Variants in SLC31A2 observed in about 807,000 individuals in gnomAD.
The protein encoded by SLC31A2 is protein SLC31A2.
A neutral mutation model predicts 14.4 loss-of-function variants in SLC31A2; 16 were observed. That is an observed-to-expected ratio of 1.11 (90% confidence interval 0.75 to 1.69). SLC31A2 has a LOEUF of 1.69. SLC31A2 is among the 40% of genes most tolerant of loss of function. The pLI is 0.00. For missense variants in SLC31A2, 140 were observed against 173.9 expected (o/e 0.81, Z 1.10); for synonymous variants, 56 against 68.7 (o/e 0.82, Z 0.91).
chr9:113,162,479 T>G (rs1830029266), intron 3 of SLC31A2: 2 of 326,596 alleles, frequency 6.1e-6, no homozygotes, highest in African/African-American at 2.2e-5. Flanking sequence ...GAAAGACAGA[T>G]TATAGATACC....
rs1029568688 is a variant in SLC31A2 at position 113,162,822 on chromosome 9, G to A, written c.337G>A (p.Ala113Thr). The part of the protein sequence containing the change: ...QVVIGYFIML[A>T]VMSYNTWIFL... ...GGTCATCGGCTACTTCATCATGCTGGCCGTAATGTCCTACAACACCTGGAT... is the reference window on the plus strand; with the variant it reads ...GGTCATCGGCTACTTCATCATGCTGACCGTAATGTCCTACAACACCTGGAT... The change falls in exon 4 of 4, where the codon GCC (alanine) becomes ACC (threonine). Residue 113 changes from alanine (A) to threonine (T), a missense_variant. Ala to Thr is a moderately conservative substitution (Grantham distance 58). Coordinates refer to ENST00000259392, the MANE Select transcript of SLC31A2 (RefSeq NM_001860.3). 5 of 1,613,610 alleles carry A rather than the reference G, an allele frequency of 3.1e-6. No individual in the cohort carries two copies. The African/African-American group carries it at 6.7e-5, about 22-fold the overall frequency.
intron 3 of SLC31A2, 149 bp from the exon 4 acceptor site, chr9:113,162,600 G>A: frequency 7.8e-6 from 5 of 640,494 alleles, no homozygotes; most frequent in Non-Finnish European, 1.3e-5. Context: ...GGTGGGAGGG[G>A]CAGAAAGAAA....
rs1403406907 is a variant in SLC31A2 at position 113,164,011 on chromosome 9, T to TA, written c.*1100dup. 2 of 152,536 alleles carry TA rather than the reference T, an allele frequency of 1.3e-5. No individual in the cohort carries two copies. Among genetic ancestry groups the TA allele is most frequent in the African/African-American group, 4.8e-5 (2 of 41,408 alleles). The allele number at this position is 152,536 out of a possible 1,614,324, so 9.4% of individuals were successfully genotyped here. The stretch of plus-strand genomic sequence containing the variant: ...TGGATAGTTGAACCTCTTCACTTTA[T>TA]AAAAAAGGAAAGAGAGAAAATCACT... On this transcript the variant is annotated 3_prime_UTR_variant, in exon 4 of 4. Coordinates refer to ENST00000259392, the MANE Select transcript of SLC31A2 (RefSeq NM_001860.3).
Position 113,151,227 on chromosome 9 carries a change from T to G in SLC31A2, c.6+147T>G, listed in dbSNP as rs1587937656. On this transcript the variant is annotated intron_variant, in intron 1 of 3. Coordinates refer to ENST00000259392, the MANE Select transcript of SLC31A2 (RefSeq NM_001860.3). The surrounding 1 kb of genome is among the most constrained non-coding windows in gnomAD (Gnocchi z 4.2). Reference sequence around the variant, plus strand: ...AGCATTGCCAACAGCTGGAACAGGGTTGGGGGACGCGGCAGGTATAGGTTG... The same window carrying G: ...AGCATTGCCAACAGCTGGAACAGGGGTGGGGGACGCGGCAGGTATAGGTTG... 16 of 854,636 alleles carry G rather than the reference T, an allele frequency of 1.9e-5. No homozygotes were observed. In the African/African-American group the frequency reaches 2.3e-4, roughly 12 times the overall value. The allele number at this position is 854,636 out of a possible 1,614,324, so 52.9% of individuals were successfully genotyped here.
intron 2 of SLC31A2, among the ~76,000 whole-genome samples, chr9:113,160,818 C>G (rs10981660): frequency 1.3e-5 from 2 of 152,140 alleles, no homozygotes; most frequent in Non-Finnish European, 2.9e-5. Context: ...AAAGACACCA[C>G]TTGACAGCGT....
intron 2 of SLC31A2, chr9:113,158,096 A>G (rs1226339428): frequency 2.0e-6 from 1 of 509,054 alleles, no homozygotes; most frequent in Admixed American, 2.3e-5. Context: ...AGGGTCACAC[A>G]GTAAGTACGC....
chr9:113,156,743 CCAAA>C (rs1462957462), intron 1 of SLC31A2, among the ~76,000 whole-genome samples: 4 of 152,146 alleles, frequency 2.6e-5, no homozygotes, highest in African/African-American at 7.2e-5. Context: ...CCTCATCTTT[CCAAA>C]CAGTCATTAA....
In SLC31A2 at chr9:113,151,195, T is replaced by C; in HGVS notation, c.6+115T>C. 9.0e-7 allele frequency: 1 copy of C among 1,110,664 alleles called. No homozygotes were observed. Among genetic ancestry groups the C allele is most frequent in the Non-Finnish European group, 1.2e-6 (1 of 861,458 alleles). 68.8% of individuals were successfully genotyped at this position (1,110,664 alleles called of 1,614,324 possible). A position where few individuals can be genotyped will look rare whatever the true frequency, so the allele number is the denominator to read the frequency against. On this transcript the variant is annotated intron_variant, in intron 1 of 3. Coordinates refer to ENST00000259392, the MANE Select transcript of SLC31A2 (RefSeq NM_001860.3). The surrounding 1 kb of genome is among the most constrained non-coding windows in gnomAD (Gnocchi z 4.2). ...GCTGGCCCGGGGCTGGTGAAGGGTG[T>C]GTTGGCAGCATTGCCAACAGCTGGA...
chr9:113,157,776 G>T lies in SLC31A2; in HGVS notation c.56G>T (p.Ser19Ile), dbSNP rs1180969797. The change falls in exon 2 of 4, where the codon AGT (serine) becomes ATT (isoleucine). Residue 19 changes from serine (S) to isoleucine (I), a missense_variant. Physicochemically the swap from Ser to Ile is moderately radical, Grantham distance 142. Transcript: ENST00000259392. The stretch of plus-strand genomic sequence containing the variant: ...GCGGTGCTTCTGTTTGATTTCTGGA[G>T]TGTCCACAGTCCTGCTGGTAAGAAT... ...DTAVLLFDFW[S>I]VHSPAGMALS... is the part of the protein sequence containing the mutation. The T allele has an allele frequency of 1.9e-6, 3 of 1,613,004 alleles. No homozygotes were observed. Among genetic ancestry groups the T allele is most frequent in the Non-Finnish European group, 2.5e-6 (3 of 1,179,412 alleles).
At chr9:113,153,621 C>T (rs1412878357) in intron 1 of SLC31A2, among the ~76,000 whole-genome samples, 1 of 152,186 alleles carries the variant, frequency 6.6e-6, no homozygotes, top group Non-Finnish European at 1.5e-5. Flanking sequence ...GCGGAGATGT[C>T]ACAGGGAGTG....
intron 1 of SLC31A2, among the ~76,000 whole-genome samples, chr9:113,154,244 C>A (rs921089968): frequency 2.6e-5 from 4 of 152,108 alleles, no homozygotes; most frequent in African/African-American, 9.7e-5. Context: ...AAGATGGGAG[C>A]CTGTGAAAGT....
chr9:113,159,590 A>G (rs570835970), intron 2 of SLC31A2, among the ~76,000 whole-genome samples: 1 of 152,310 alleles, frequency 6.6e-6, no homozygotes, highest in South Asian at 2.1e-4. Context: ...CCTACGCTCC[A>G]CACACTTCTG....
At chr9:113,161,462 A>G in intron 2 of SLC31A2, 47 bp from the exon 3 acceptor site, 2 of 1,569,990 alleles carry the variant, frequency 1.3e-6, no homozygotes, top group Non-Finnish European at 8.7e-7. Flanking sequence ...TGGAAGGGAA[A>G]CAGTGCTGGC....
rs1405502968 is a variant in SLC31A2 at position 113,151,147 on chromosome 9, C to G, written c.6+67C>G. 7.9e-7 allele frequency: 1 copy of G among 1,269,786 alleles called. No individual in the cohort carries two copies. The highest frequency in any genetic ancestry group is 3.0e-5 in the East Asian group (1 of 33,572). The allele number at this position is 1,269,786 out of a possible 1,614,324, so 78.7% of individuals were successfully genotyped here. On this transcript the variant is annotated intron_variant, in intron 1 of 3. Coordinates refer to ENST00000259392, the MANE Select transcript of SLC31A2 (RefSeq NM_001860.3). The surrounding 1 kb of genome is among the most constrained non-coding windows in gnomAD (Gnocchi z 4.2). ...GCGGGGTCTCCTGGAGCTGCCATCT[C>G]GGCACCCCGAATCCTCGCTGCCGCT...
chr9:113,158,008 C>T (rs765193655), intron 2 of SLC31A2: 21 of 641,776 alleles, frequency 3.3e-5, no homozygotes, highest in Admixed American at 8.4e-5. Context: ...TCACAAAGGC[C>T]GAGAGGCAGG....
At chr9:113,161,867 T>C (rs765876379) in intron 3 of SLC31A2, 169 bp downstream of exon 3, 20 of 749,304 alleles carry the variant, frequency 2.7e-5, no homozygotes, top group South Asian at 2.7e-4. Context: ...AGCTCATGTC[T>C]CCTGATGCCC....
intron 1 of SLC31A2, among the ~76,000 whole-genome samples, chr9:113,153,847 A>T (rs1829900382): frequency 6.6e-6 from 1 of 152,172 alleles, no homozygotes; most frequent in Non-Finnish European, 1.5e-5. Context: ...ATGTTAGCTG[A>T]GTGTAGGGAG....
At chr9:113,153,571 G>A (rs1829897239) in intron 1 of SLC31A2, among the ~76,000 whole-genome samples, 1 of 152,168 alleles carries the variant, frequency 6.6e-6, no homozygotes, top group South Asian at 2.1e-4. Flanking sequence ...GGGCTTTTAT[G>A]TACCTTCCTT....
In SLC31A2 at chr9:113,151,117, T is replaced by C. The variant is rs745770262; in HGVS notation, c.6+37T>C. 69 of 1,294,310 alleles carry C rather than the reference T, an allele frequency of 5.3e-5. No individual in the cohort carries two copies. The highest frequency in any genetic ancestry group is 6.8e-5 in the Non-Finnish European group (69 of 1,013,496). 80.2% of individuals were successfully genotyped at this position (1,294,310 alleles called of 1,614,324 possible). A position where few individuals can be genotyped will look rare whatever the true frequency, so the allele number is the denominator to read the frequency against. ...GCGCTACGGTGAAGAGGGTGGGCGG[T>C]TGGGGCGGGGTCTCCTGGAGCTGCC... On this transcript the variant is annotated intron_variant, in intron 1 of 3. Transcript: ENST00000259392. The surrounding 1 kb of genome is among the most constrained non-coding windows in gnomAD (Gnocchi z 4.2).
Sources: gnomAD v4.1 joint callset for allele counts (sites outside exome capture counted in the v4.1 genomes callset) on GRCh38, gnomAD v4.1.1 for gene constraint, Gnocchi (gnomAD v3.1) non-coding constraint, MANE v1.5 for transcripts, NCBI Gene and HGNC (gene_info 2026-07-23, HGNC 2026-07-21) for gene names.